Variants in LTBP1 observed in about 807,000 individuals in gnomAD.
The protein encoded by LTBP1 is latent transforming growth factor beta binding protein 1, also known as latent-transforming growth factor beta-binding protein 1.
A neutral mutation model predicts 207.6 loss-of-function variants in LTBP1; 129 were observed. The ratio of observed to expected loss-of-function variants is 0.62; its 90% CI spans 0.54 to 0.72. The LOEUF (loss-of-function observed/expected upper bound fraction) is 0.72, where lower values mean the gene tolerates loss of function less well. LTBP1 is among the 30% of genes least tolerant of loss of function. The pLI is 0.00. For synonymous variants in LTBP1, 963 were observed against 833.7 expected, an observed-to-expected ratio of 1.16 and a Z score of -2.67; for missense variants, 2,281 against 2,217.2, an observed-to-expected ratio of 1.03 and a Z score of -0.58.
intron 3 of LTBP1, among the ~76,000 whole-genome samples, chr2:33,027,227 T>A (rs2075462486): frequency 6.6e-6 from 1 of 152,228 alleles, no homozygotes; most frequent in African/African-American, 2.4e-5. Context: ...TAAGGTATAA[T>A]TGACAAATAA....
At chr2:33,272,205 G>A (rs569899461) in intron 15 of LTBP1, among the ~76,000 whole-genome samples, 2 of 152,268 alleles carry the variant, frequency 1.3e-5, no homozygotes, top group Admixed American at 6.5e-5. Context: ...CCCCAATTTA[G>A]GTCATTTCCA....
At chr2:33,148,634 C>G (rs563019894) in intron 5 of LTBP1, among the ~76,000 whole-genome samples, 2 of 152,334 alleles carry the variant, frequency 1.3e-5, no homozygotes, top group South Asian at 4.1e-4. Context: ...TATTCCCCAT[C>G]TCCAATTCTC....
At chr2:33,238,786 T>C (rs2092173845) in intron 9 of LTBP1, among the ~76,000 whole-genome samples, 3 of 152,232 alleles carry the variant, frequency 2.0e-5, no homozygotes, top group Admixed American at 2.0e-4. Flanking sequence ...CCAGAATTGT[T>C]GTGAAGTTCC....
At chr2:33,043,159 G>A (rs763240586) in intron 3 of LTBP1, among the ~76,000 whole-genome samples, 1 of 152,186 alleles carries the variant, frequency 6.6e-6, no homozygotes, top group Non-Finnish European at 1.5e-5. Flanking sequence ...AATGTTCCAT[G>A]TCTCAGCTTG....
At chr2:33,124,873 C>T (rs768729800) in intron 4 of LTBP1, among the ~76,000 whole-genome samples, 9 of 152,172 alleles carry the variant, frequency 5.9e-5, no homozygotes, top group Non-Finnish European at 1.0e-4. Context: ...TGTTTTTAGG[C>T]GCTCTGGATT....
intron 5 of LTBP1, among the ~76,000 whole-genome samples, chr2:33,182,043 T>C (rs956685805): frequency 2.0e-5 from 3 of 152,188 alleles, no homozygotes; most frequent in African/African-American, 7.2e-5. Flanking sequence ...ATATTGTCAT[T>C]TAGATTTTAG....
At chr2:33,053,400 C>G (rs867270156) in intron 3 of LTBP1, among the ~76,000 whole-genome samples, 1 of 152,146 alleles carries the variant, frequency 6.6e-6, no homozygotes, top group African/African-American at 2.4e-5. Context: ...TTTGTACATT[C>G]TGTGGGTTTG....
At chr2:33,022,881 T>A (rs1333054726) in intron 3 of LTBP1, among the ~76,000 whole-genome samples, 1 of 152,350 alleles carries the variant, frequency 6.6e-6, no homozygotes, top group East Asian at 1.9e-4. Context: ...TCACAGGTCA[T>A]GAAGTATTAT....
chr2:33,384,169 C>G (rs2095245762), intron 31 of LTBP1, among the ~76,000 whole-genome samples: 1 of 152,164 alleles, frequency 6.6e-6, no homozygotes, highest in Non-Finnish European at 1.5e-5. Flanking sequence ...GGGCCCCACA[C>G]CCACAGGCTC....
At chr2:33,173,358 C>A (rs2085666397) in intron 5 of LTBP1, among the ~76,000 whole-genome samples, 1 of 152,078 alleles carries the variant, frequency 6.6e-6, no homozygotes, top group Non-Finnish European at 1.5e-5. Context: ...AAACTACCAT[C>A]AGAGAATACT....
chr2:33,298,077 G>A (rs1014336592), intron 20 of LTBP1, among the ~76,000 whole-genome samples: 2 of 152,176 alleles, frequency 1.3e-5, no homozygotes, highest in Non-Finnish European at 2.9e-5. Context: ...TCGGGGGTGT[G>A]TGATATTCTT....
At chr2:33,231,305 G>T (rs774592012) in intron 9 of LTBP1, among the ~76,000 whole-genome samples, 12 of 152,106 alleles carry the variant, frequency 7.9e-5, no homozygotes, top group East Asian at 1.9e-4. Flanking sequence ...TTATGAAACC[G>T]ATACATTGAG....
intron 5 of LTBP1, among the ~76,000 whole-genome samples, chr2:33,177,254 C>T (rs1233328196): frequency 6.6e-6 from 1 of 152,170 alleles, no homozygotes; most frequent in Non-Finnish European, 1.5e-5. Flanking sequence ...GCATACTAAG[C>T]AATTTGTAAA....
intron 17 of LTBP1, among the ~76,000 whole-genome samples, chr2:33,275,464 C>T (rs1010515904): frequency 3.9e-5 from 6 of 152,152 alleles, no homozygotes; most frequent in African/African-American, 1.4e-4. Flanking sequence ...CCTGGCGGAT[C>T]ACCTGAGGTC....
chr2:33,117,723 G>C (rs920763480), intron 4 of LTBP1, among the ~76,000 whole-genome samples: 1 of 152,186 alleles, frequency 6.6e-6, no homozygotes, highest in Admixed American at 6.5e-5. Flanking sequence ...GTAGTTGAGA[G>C]CACCCATTAT....
At chr2:33,292,312 TTAAC>T (rs2093789841) in intron 19 of LTBP1, among the ~76,000 whole-genome samples, 1 of 152,238 alleles carries the variant, frequency 6.6e-6, no homozygotes, top group African/African-American at 2.4e-5. Flanking sequence ...CTCTCTTTCT[TTAAC>T]TGTTTCTATC....
At chr2:33,259,643 T>C (rs761828002) in intron 13 of LTBP1, 33 bp downstream of exon 13, 4 of 1,590,666 alleles carry the variant, frequency 2.5e-6, no homozygotes, top group Admixed American at 1.8e-5. Flanking sequence ...GTCTTTTTTT[T>C]TCAACGCTCA....
At chr2:33,396,165 T>C (rs1394501444) in intron 32 of LTBP1, among the ~76,000 whole-genome samples, 1 of 142,812 alleles carries the variant, frequency 7.0e-6, no homozygotes, top group African/African-American at 2.5e-5. Context: ...AAAAAAAAAC[T>C]TTTGGTTCTG....
intron 9 of LTBP1, among the ~76,000 whole-genome samples, chr2:33,237,813 A>G (rs918840535): frequency 3.3e-5 from 5 of 152,242 alleles, no homozygotes; most frequent in Non-Finnish European, 7.3e-5. Context: ...GACAAGAGGT[A>G]TGCCTTGACT....
Sources: allele counts gnomAD v4.1 joint callset (sites outside exome capture counted in the v4.1 genomes callset), GRCh38; gene constraint gnomAD v4.1.1; transcripts MANE v1.5; gene names NCBI Gene and HGNC (gene_info 2026-07-23, HGNC 2026-07-21).